SEPTIN2: variants seen among roughly 807,000 people sequenced by gnomAD.
SEPTIN2 encodes the protein septin 2.
SEPTIN2 carries 34 observed loss-of-function variants against 46.5 expected under a neutral mutation model. That is an observed-to-expected ratio of 0.73 (90% CI 0.56 to 0.97). The LOEUF is 0.97. Among genes scored for constraint, SEPTIN2 ranks in the 50% least tolerant of loss-of-function variants. SEPTIN2 has a pLI of 0.00. For missense variants in SEPTIN2, 347 were observed against 448.4 expected, an observed-to-expected ratio of 0.77 and a Z score of 2.04; for synonymous variants, 175 against 153.4, an observed-to-expected ratio of 1.14 and a Z score of -1.04.
chr2:241,329,318 C>T (rs1265778312), intron 3 of SEPTIN2, among the ~76,000 whole-genome samples: 1 of 151,882 alleles, frequency 6.6e-6, no homozygotes, highest in African/African-American at 2.4e-5. Flanking sequence ...TTAGTAGAGA[C>T]GGGGTTTCAC....
intron 1 of SEPTIN2, chr2:241,316,379 T>G: frequency 1.1e-6 from 1 of 887,142 alleles, no homozygotes; most frequent in Non-Finnish European, 1.6e-6. Context: ...TTAGAGCTTG[T>G]GTGGCCATCT....
chr2:241,321,838 A>G (rs372364174), intron 1 of SEPTIN2, among the ~76,000 whole-genome samples: 1 of 151,378 alleles, frequency 6.6e-6, no homozygotes, highest in East Asian at 1.9e-4. Context: ...TTTTACTTTC[A>G]TAATCAGATA....
chr2:241,317,194 A>G (rs2076463740), intron 1 of SEPTIN2: 1 of 152,242 alleles, frequency 6.6e-6, no homozygotes, highest in Non-Finnish European at 1.5e-5. Flanking sequence ...GTGATTTTTG[A>G]TAGCTCCCAT....
intron 3 of SEPTIN2, among the ~76,000 whole-genome samples, chr2:241,328,609 G>A (rs984484172): frequency 2.0e-5 from 3 of 151,990 alleles, no homozygotes; most frequent in Admixed American, 6.6e-5. Context: ...GGGCGTGTTG[G>A]CACATGCCTG....
At chr2:241,333,612 C>T (rs1199041886) in intron 3 of SEPTIN2, among the ~76,000 whole-genome samples, 2 of 131,890 alleles carry the variant, frequency 1.5e-5, no homozygotes, top group Non-Finnish European at 3.4e-5. Context: ...CGGGTTCACG[C>T]CATTCTCCTG....
intron 7 of SEPTIN2, among the ~76,000 whole-genome samples, chr2:241,339,576 G>A (rs1420980988): frequency 6.6e-6 from 1 of 152,104 alleles, no homozygotes; most frequent in African/African-American, 2.4e-5. Context: ...TGGATGCACA[G>A]CATTCCACCA....
At chr2:241,350,678 G>T (rs1265510483) in intron 12 of SEPTIN2, among the ~76,000 whole-genome samples, 1 of 152,156 alleles carries the variant, frequency 6.6e-6, no homozygotes, top group Non-Finnish European at 1.5e-5. Flanking sequence ...CCTGGATGGT[G>T]ACTGCTGACC....
chr2:241,321,087 CTT>C (rs1303638833), intron 1 of SEPTIN2, among the ~76,000 whole-genome samples: 1 of 151,710 alleles, frequency 6.6e-6, no homozygotes, highest in Non-Finnish European at 1.5e-5. Flanking sequence ...TTTGTTTAGG[CTT>C]TTTTTTATGG....
intron 2 of SEPTIN2, 81 bp downstream of exon 2, chr2:241,324,322 GATTC>G: frequency 1.8e-6 from 2 of 1,111,328 alleles, no homozygotes; most frequent in Non-Finnish European, 1.3e-6. Context: ...GGACTTATAT[GATTC>G]ATTATTTTTA....
At chr2:241,346,348 A>T in intron 10 of SEPTIN2, 99 bp downstream of exon 10, 3 of 811,768 alleles carry the variant, frequency 3.7e-6, no homozygotes, top group Non-Finnish European at 5.7e-6. Context: ...CCATTAAGCA[A>T]CATGGTTTGG....
At chr2:241,321,149 A>C (rs571414429) in intron 1 of SEPTIN2, among the ~76,000 whole-genome samples, 1 of 152,102 alleles carries the variant, frequency 6.6e-6, no homozygotes, top group Non-Finnish European at 1.5e-5. Flanking sequence ...AAATTTCTCT[A>C]TGTCTGCTAA....
Position 241,339,003 on chromosome 2 carries a change from AAT to A in SEPTIN2, c.594+1216_594+1217del, listed in dbSNP as rs565992760. Among the ~76,000 whole-genome samples, 895 of 116,582 alleles carry A rather than the reference AAT, an allele frequency of 7.7e-3. 15 individuals are homozygous for A. Among genetic ancestry groups the A allele is most frequent in the African/African-American group, 0.027 (837 of 30,556 alleles). The allele number at this position is 116,582 out of a possible 152,430, so 76.5% of individuals were successfully genotyped here. Reference sequence around the variant, plus strand: ...ATAAATATATTTATAAATATATATAAATATTATATTTATACATTATATTTATA... The same window carrying A: ...ATAAATATATTTATAAATATATATAAATTATATTTATACATTATATTTATA... On this transcript the variant is annotated intron_variant, in intron 7 of 12. Transcript: ENST00000391971.
intron 1 of SEPTIN2, among the ~76,000 whole-genome samples, chr2:241,320,521 C>T (rs565998166): frequency 3.9e-5 from 6 of 152,276 alleles, no homozygotes; most frequent in African/African-American, 9.6e-5. Flanking sequence ...CGGCCAAGCA[C>T]GGTGGCTCAG....
At position 241,343,638 on chromosome 2, in the gene SEPTIN2, A is replaced by T. The variant is rs560996802; in HGVS notation, c.697-114A>T. On this transcript the variant is annotated intron_variant, in intron 8 of 12. Coordinates refer to ENST00000391971, the MANE Select transcript of SEPTIN2 (RefSeq NM_004404.5). ...AATGTTACATACCCCCAGCTTTCCA[A>T]TTCAGTTTTGTAGTCAACAGCAATG... The T allele has an allele frequency of 4.4e-5, 52 of 1,178,144 alleles. No individual in the cohort carries two copies. The South Asian group carries it at 7.8e-4, about 18-fold the overall frequency. 73.0% of individuals were successfully genotyped at this position (1,178,144 alleles called of 1,614,324 possible). A position where few individuals can be genotyped will look rare whatever the true frequency, so the allele number is the denominator to read the frequency against.
At chr2:241,349,369 T>A (rs1474642381) in intron 11 of SEPTIN2, among the ~76,000 whole-genome samples, 1 of 130,320 alleles carries the variant, frequency 7.7e-6, no homozygotes, top group Non-Finnish European at 1.7e-5. Flanking sequence ...ATCCCATCCC[T>A]TTAAAAAAAA....
intron 10 of SEPTIN2, 62 bp from the exon 11 acceptor site, chr2:241,348,072 T>TG (rs1246965253): frequency 2.3e-5 from 29 of 1,244,646 alleles, no homozygotes; most frequent in Middle Eastern, 1.9e-4. Context: ...TAGAATTTTT[T>TG]GGGGGGGTAG....
At chr2:241,338,910 AAT>A (rs147584595) in intron 7 of SEPTIN2, among the ~76,000 whole-genome samples, 17,718 of 91,414 alleles carry the variant, frequency 0.19, 1,973 homozygotes, top group Middle Eastern at 0.31. Flanking sequence ...TATTATATAT[AAT>A]ATATATAATT....
rs2060904345 is a variant in SEPTIN2 at position 241,353,169 on chromosome 2, C to T, written c.*1232C>T. 6.6e-6 allele frequency: 1 copy of T among 152,148 alleles called. No homozygotes were observed. The highest frequency in any genetic ancestry group is 1.5e-5 in the Non-Finnish European group (1 of 68,024). The allele number at this position is 152,148 out of a possible 1,614,324, so 9.4% of individuals were successfully genotyped here. A position where few individuals can be genotyped will look rare whatever the true frequency, so the allele number is the denominator to read the frequency against. On this transcript the variant is annotated 3_prime_UTR_variant, in exon 13 of 13. Transcript: ENST00000391971. The stretch of plus-strand genomic sequence containing the variant: ...TATTTTTAGCCATTGTCGTTTCATT[C>T]ATTTTGTGTAATATAAACCGTGTGT...
intron 7 of SEPTIN2, among the ~76,000 whole-genome samples, chr2:241,339,122 G>T (rs1428143545): frequency 6.8e-6 from 1 of 145,992 alleles, no homozygotes; most frequent in African/African-American, 2.5e-5. Context: ...GGCCGAGTGT[G>T]GTGGCTCACG....
Sources: allele counts gnomAD v4.1 joint callset (sites outside exome capture counted in the v4.1 genomes callset), GRCh38; gene constraint gnomAD v4.1.1; transcripts MANE v1.5; gene names NCBI Gene and HGNC (gene_info 2026-07-23, HGNC 2026-07-21).